Variants in CSMD1 observed in about 807,000 individuals in gnomAD.
CSMD1 encodes CUB and Sushi multiple domains 1, also known as CUB and sushi domain-containing protein 1.
Under a neutral mutation model 417.5 loss-of-function variants are expected in CSMD1, and 213 were observed. The observed-to-expected ratio is 0.51, with a 90% CI of 0.46 to 0.57. CSMD1 has a LOEUF of 0.57. Ranked by LOEUF, CSMD1 falls within the 20% of genes least tolerant of loss-of-function variation. CSMD1 has a pLI of 0.00. For synonymous variants in CSMD1, 2,862 were observed against 1,736.8 expected, an observed-to-expected ratio of 1.65 and a Z score of -16.11; for missense variants, 6,923 against 4,529.7, an observed-to-expected ratio of 1.53 and a Z score of -15.17.
chr8:3,296,858 GTT>G (rs947052492), intron 25 of CSMD1, among the ~76,000 whole-genome samples: 3 of 152,170 alleles, frequency 2.0e-5, no homozygotes, highest in African/African-American at 7.2e-5. Context: ...GACCTGTTGA[GTT>G]TAAGTTGTCA....
At position 4,475,926 on chromosome 8, in the gene CSMD1, T is replaced by C. The variant is rs962934169; in HGVS notation, c.303-55861A>G. ...CCTCACCTGGCTCTTTTATTATACTTTGTTGGTGTTATTGCTGTTGGTTTC... is the reference window on the plus strand; with the variant it reads ...CCTCACCTGGCTCTTTTATTATACTCTGTTGGTGTTATTGCTGTTGGTTTC... On this transcript the variant is annotated intron_variant, in intron 2 of 69. Coordinates refer to ENST00000635120, the MANE Select transcript of CSMD1 (RefSeq NM_033225.6). Among the ~76,000 whole-genome samples the C allele has an allele frequency of 2.6e-5, 4 of 152,270 alleles. No individual in the cohort carries two copies. In the East Asian group the frequency reaches 7.7e-4, roughly 29 times the overall value.
At chr8:4,577,389 C>A (rs894148922) in intron 2 of CSMD1, among the ~76,000 whole-genome samples, 7 of 152,160 alleles carry the variant, frequency 4.6e-5, no homozygotes, top group Non-Finnish European at 1.0e-4. Context: ...ACATTTCTTT[C>A]CATCCTCTCA....
chr8:4,181,069 T>C (rs867500821), intron 3 of CSMD1, among the ~76,000 whole-genome samples: 19 of 152,108 alleles, frequency 1.2e-4, no homozygotes, highest in Middle Eastern at 6.8e-3. Flanking sequence ...AATATGAAAA[T>C]AGGACAACAG....
intron 3 of CSMD1, among the ~76,000 whole-genome samples, chr8:4,224,689 A>G (rs999529208): frequency 6.6e-6 from 1 of 152,242 alleles, no homozygotes; most frequent in African/African-American, 2.4e-5. Flanking sequence ...TTTCAGATGC[A>G]TGGAGATGAA....
rs573571822 is a variant in CSMD1, at chr8:4,900,513, T to C, written c.85+93819A>G. Among the ~76,000 whole-genome samples the C allele has an allele frequency of 2.0e-5, 3 of 152,280 alleles. No homozygotes were observed. The East Asian group carries it at 5.8e-4, about 29-fold the overall frequency. On this transcript the variant is annotated intron_variant, in intron 1 of 69. Coordinates refer to ENST00000635120, the MANE Select transcript of CSMD1 (RefSeq NM_033225.6). ...GCCCAGGCTGTCATCACTTCTGGTCTGCCAGTCTCTGATTTCTACACAATC... is the reference window on the plus strand; with the variant it reads ...GCCCAGGCTGTCATCACTTCTGGTCCGCCAGTCTCTGATTTCTACACAATC...
chr8:3,292,373 G>A (rs1363029793), intron 25 of CSMD1, among the ~76,000 whole-genome samples: 1 of 152,054 alleles, frequency 6.6e-6, no homozygotes, highest in Non-Finnish European at 1.5e-5. Context: ...TTCAATTCCT[G>A]GGTATCCTTG....
At chr8:3,851,591 G>C (rs1585090818) in intron 5 of CSMD1, among the ~76,000 whole-genome samples, 1 of 152,204 alleles carries the variant, frequency 6.6e-6, no homozygotes, top group African/African-American at 2.4e-5. Flanking sequence ...AGGGAGGGCA[G>C]GGTTGTCTCT....
rs759785530 is a variant in CSMD1, at chr8:3,575,028, C to G, written c.1261G>C (p.Val421Leu). 3 of 1,613,466 alleles carry G rather than the reference C, an allele frequency of 1.9e-6. No individual in the cohort carries two copies. The highest frequency in any genetic ancestry group is 1.1e-5 in the South Asian group (1 of 91,068). ...ACCGGATAATTAGGGGAGGTAATGACGCCGCTGGGCCCACGCAGATTGGAT... is the reference window on the plus strand; with the variant it reads ...ACCGGATAATTAGGGGAGGTAATGAGGCCGCTGGGCCCACGCAGATTGGAT... The part of the protein sequence containing the change: ...CGSNLRGPSG[V>L]ITSPNYPVQY... The change falls in exon 10 of 70, where the codon GTC becomes CTC. Residue 421 changes from valine (V) to leucine (L), a missense_variant. Physicochemically the swap from Val to Leu is conservative, Grantham distance 32. Coordinates refer to ENST00000635120, the MANE Select transcript of CSMD1 (RefSeq NM_033225.6).
At position 4,329,507 on chromosome 8, in the gene CSMD1, C is replaced by G. The variant is rs552878225; in HGVS notation, c.415+90446G>C. On this transcript the variant is annotated intron_variant, in intron 3 of 69. Coordinates refer to ENST00000635120, the MANE Select transcript of CSMD1 (RefSeq NM_033225.6). The stretch of plus-strand genomic sequence containing the variant: ...TTCACCACGTTGGCCAGGCCAGTCT[C>G]AAACTCCTGACCTCAAGTGATTTGT... Among the ~76,000 whole-genome samples, 5 of 152,274 alleles carry G rather than the reference C, an allele frequency of 3.3e-5. No individual in the cohort carries two copies. The East Asian group carries it at 9.7e-4, about 29-fold the overall frequency.
chr8:4,042,762 G>C (rs920253733), intron 3 of CSMD1, among the ~76,000 whole-genome samples: 2 of 140,750 alleles, frequency 1.4e-5, no homozygotes, highest in African/African-American at 5.3e-5. Flanking sequence ...AAGAAGAAAG[G>C]AGAGCACATT....
chr8:4,892,619 C>T (rs563275297), intron 1 of CSMD1, among the ~76,000 whole-genome samples: 5 of 152,110 alleles, frequency 3.3e-5, no homozygotes, highest in Admixed American at 2.0e-4. Flanking sequence ...AGTAGTCTTT[C>T]CTTAGACGTG....
At chr8:4,283,787 A>T (rs141809442) in intron 3 of CSMD1, among the ~76,000 whole-genome samples, 1 of 3,520 alleles carries the variant, frequency 2.8e-4, no homozygotes, top group African/African-American at 3.7e-4. Context: ...AAAGGAGAAT[A>T]AAAAAAAAAA....
chr8:4,947,789 A>G (rs1254352762), intron 1 of CSMD1, among the ~76,000 whole-genome samples: 1 of 152,148 alleles, frequency 6.6e-6, no homozygotes, highest in East Asian at 1.9e-4. Context: ...TTTTTCAAAC[A>G]AAAATATGTT....
rs552196617 is a variant in CSMD1 at position 3,392,205 on chromosome 8, A to T, written c.2593+3989T>A. Among the ~76,000 whole-genome samples the T allele has an allele frequency of 1.4e-4, 22 of 152,236 alleles. 1 individual carries two copies. The East Asian group carries it at 4.3e-3, about 29-fold the overall frequency. Reference sequence around the variant, plus strand: ...ACATCAACATGGCACATGTATACATATGTAACTAACCTGCACGTTGTCACA... The same window carrying T: ...ACATCAACATGGCACATGTATACATTTGTAACTAACCTGCACGTTGTCACA... On this transcript the variant is annotated intron_variant, in intron 17 of 69. Coordinates refer to ENST00000635120, the MANE Select transcript of CSMD1 (RefSeq NM_033225.6).
chr8:4,246,645 C>G (rs1361237355), intron 3 of CSMD1, among the ~76,000 whole-genome samples: 1 of 152,072 alleles, frequency 6.6e-6, no homozygotes, highest in Non-Finnish European at 1.5e-5. Context: ...TCTGCAAATG[C>G]TGAGGCAAGC....
chr8:4,854,984 T>G (rs370184869), intron 1 of CSMD1, among the ~76,000 whole-genome samples: 24 of 152,184 alleles, frequency 1.6e-4, no homozygotes, highest in Non-Finnish European at 2.5e-4. Context: ...CAAAAAGACA[T>G]CAGTAACCTC....
intron 3 of CSMD1, among the ~76,000 whole-genome samples, chr8:4,209,902 G>C (rs183637457): frequency 6.6e-6 from 1 of 152,248 alleles, no homozygotes; most frequent in South Asian, 2.1e-4. Context: ...TTGACAGGTG[G>C]TCTCCATGGA....
intron 2 of CSMD1, among the ~76,000 whole-genome samples, chr8:4,525,474 C>T (rs1467103817): frequency 6.6e-6 from 1 of 152,134 alleles, no homozygotes; most frequent in Non-Finnish European, 1.5e-5. Context: ...GCAGATAACA[C>T]ATTGATTTGT....
At chr8:3,988,232 T>C (rs528651861) in intron 5 of CSMD1, among the ~76,000 whole-genome samples, 4 of 152,266 alleles carry the variant, frequency 2.6e-5, no homozygotes, top group South Asian at 2.1e-4. Flanking sequence ...AAACTCAATA[T>C]TGAACCTCGG....
Sources: gnomAD v4.1 joint callset for allele counts (sites outside exome capture counted in the v4.1 genomes callset) on GRCh38, gnomAD v4.1.1 for gene constraint, MANE v1.5 for transcripts, NCBI Gene and HGNC (gene_info 2026-07-23, HGNC 2026-07-21) for gene names.